CSMD1: variants seen among roughly 807,000 people sequenced by gnomAD.
The protein encoded by CSMD1 is CUB and sushi domain-containing protein 1.
In CSMD1, 213 loss-of-function variants were observed where a neutral mutation model predicts 417.5. The observed-to-expected ratio is 0.51, with a 90% confidence interval of 0.46 to 0.57. The LOEUF (loss-of-function observed/expected upper bound fraction) is 0.57. Among genes scored for constraint, CSMD1 ranks in the 20% least tolerant of loss-of-function variants. CSMD1 has a pLI of 0.00. For synonymous variants in CSMD1, 2,862 were observed against 1,736.8 expected (o/e 1.65, Z -16.11); for missense variants, 6,923 against 4,529.7 (o/e 1.53, Z -15.17).
intron 1 of CSMD1, among the ~76,000 whole-genome samples, chr8:4,946,100 T>C (rs1216795313): frequency 6.6e-6 from 1 of 152,122 alleles, no homozygotes; most frequent in African/African-American, 2.4e-5. Context: ...CACCCAGCTG[T>C]CTCTACGTGG....
chr8:4,312,216 G>C (rs1163548501), intron 3 of CSMD1, among the ~76,000 whole-genome samples: 1 of 151,678 alleles, frequency 6.6e-6, no homozygotes, highest in Non-Finnish European at 1.5e-5. Flanking sequence ...TGCATGTGTA[G>C]AATGCATAGA....
Position 4,336,441 on chromosome 8 carries a change from T to G in CSMD1, c.415+83512A>C, listed in dbSNP as rs185881701. Among the ~76,000 whole-genome samples, 22 of 152,242 alleles carry G rather than the reference T, an allele frequency of 1.4e-4. No individual in the cohort carries two copies. The East Asian group carries it at 4.3e-3, about 30-fold the overall frequency. ...CCCTAAGGCCCCCGGTCAGTTAATG[T>G]CAGCATCTGTGCTATGTGTAGATGT... On this transcript the variant is annotated intron_variant, in intron 3 of 69. Transcript: ENST00000635120.
chr8:3,883,900 A>G (rs1806379396), intron 5 of CSMD1, among the ~76,000 whole-genome samples: 1 of 152,080 alleles, frequency 6.6e-6, no homozygotes, highest in African/African-American at 2.4e-5. Flanking sequence ...TTTAAATATA[A>G]ATTAAATATA....
chr8:2,987,767 G>A (rs1806049990), intron 54 of CSMD1, among the ~76,000 whole-genome samples: 1 of 152,184 alleles, frequency 6.6e-6, no homozygotes, highest in Non-Finnish European at 1.5e-5. Flanking sequence ...GCGCATAAGG[G>A]CAGCTTCGGG....
chr8:4,290,868 C>G (rs1287696103), intron 3 of CSMD1, among the ~76,000 whole-genome samples: 2 of 152,160 alleles, frequency 1.3e-5, no homozygotes, highest in African/African-American at 4.8e-5. Flanking sequence ...TTTCTTGTGA[C>G]TCATCATCCT....
At chr8:3,628,701 G>C (rs534114339) in intron 7 of CSMD1, among the ~76,000 whole-genome samples, 2 of 152,036 alleles carry the variant, frequency 1.3e-5, no homozygotes, top group Non-Finnish European at 2.9e-5. Context: ...ACAGAAAGAA[G>C]TGTAGGCACC....
At chr8:3,688,607 G>A (rs1294705782) in intron 7 of CSMD1, among the ~76,000 whole-genome samples, 3 of 152,102 alleles carry the variant, frequency 2.0e-5, no homozygotes, top group Non-Finnish European at 4.4e-5. Flanking sequence ...ATAAAATATT[G>A]GGGAAAAGGC....
At chr8:3,629,074 G>C (rs1796642121) in intron 7 of CSMD1, among the ~76,000 whole-genome samples, 1 of 152,148 alleles carries the variant, frequency 6.6e-6, no homozygotes, top group African/African-American at 2.4e-5. Context: ...ATCGACACAA[G>C]AGGAGTGAGA....
At chr8:4,700,645 G>T (rs1318731776) in intron 1 of CSMD1, among the ~76,000 whole-genome samples, 1 of 152,070 alleles carries the variant, frequency 6.6e-6, no homozygotes, top group Non-Finnish European at 1.5e-5. Context: ...CACAAAAAAT[G>T]AAAGTAACTG....
chr8:3,768,787 T>C (rs1341678326), intron 5 of CSMD1, among the ~76,000 whole-genome samples: 1 of 152,206 alleles, frequency 6.6e-6, no homozygotes, highest in Non-Finnish European at 1.5e-5. Context: ...GTAAGGCTTG[T>C]CCTAAGTTTT....
At chr8:3,815,487 A>T (rs966123903) in intron 5 of CSMD1, among the ~76,000 whole-genome samples, 1 of 152,162 alleles carries the variant, frequency 6.6e-6, no homozygotes, top group Non-Finnish European at 1.5e-5. Context: ...TAAAAGTTAA[A>T]CTCAAAAATA....
intron 8 of CSMD1, among the ~76,000 whole-genome samples, chr8:3,589,466 G>A (rs1458426420): frequency 1.3e-5 from 2 of 151,918 alleles, no homozygotes; most frequent in African/African-American, 4.8e-5. Context: ...AGGAAATCTT[G>A]CCATTTGTGA....
intron 2 of CSMD1, among the ~76,000 whole-genome samples, chr8:4,577,481 T>C (rs1458322697): frequency 1.3e-5 from 2 of 152,054 alleles, no homozygotes; most frequent in African/African-American, 4.8e-5. Context: ...TCCTTCCTCT[T>C]CCCTATGCCA....
rs142935680 is a variant in CSMD1, at chr8:3,643,352, A to C, written c.1010-26555T>G. Among the ~76,000 whole-genome samples the C allele has an allele frequency of 3.3e-4, 50 of 152,246 alleles. No individual in the cohort carries two copies. The East Asian group carries it at 8.3e-3, about 25-fold the overall frequency. On this transcript the variant is annotated intron_variant, in intron 7 of 69. Coordinates refer to ENST00000635120, the MANE Select transcript of CSMD1 (RefSeq NM_033225.6). ...GAGAGAAAAAGCAGAATCACTGAAGAAATGGGGTTTACAAGCTGATGACAG... is the reference window on the plus strand; with the variant it reads ...GAGAGAAAAAGCAGAATCACTGAAGCAATGGGGTTTACAAGCTGATGACAG...
chr8:2,981,688 A>C (rs1805437975), intron 54 of CSMD1, among the ~76,000 whole-genome samples: 1 of 152,228 alleles, frequency 6.6e-6, no homozygotes, highest in African/African-American at 2.4e-5. Context: ...ATATACATTC[A>C]GCCCAGCAGG....
chr8:4,635,299 A>G (rs1802755881), intron 2 of CSMD1, among the ~76,000 whole-genome samples: 1 of 152,166 alleles, frequency 6.6e-6, no homozygotes, highest in Non-Finnish European at 1.5e-5. Context: ...CCAAAATGAA[A>G]TATGTTTCTA....
chr8:4,433,839 G>GGA (rs1798004165), intron 2 of CSMD1, among the ~76,000 whole-genome samples: 1 of 151,896 alleles, frequency 6.6e-6, no homozygotes, highest in African/African-American at 2.4e-5. Context: ...GAAAAAAAGG[G>GGA]AAAAAAGACT....
chr8:3,150,125 A>G (rs1819101652), intron 40 of CSMD1, among the ~76,000 whole-genome samples: 1 of 152,200 alleles, frequency 6.6e-6, no homozygotes, highest in Non-Finnish European at 1.5e-5. Context: ...TCTCCGTTTC[A>G]TTTAGCCCTG....
chr8:3,307,389 A>C (rs1804957183), intron 25 of CSMD1, among the ~76,000 whole-genome samples: 1 of 145,200 alleles, frequency 6.9e-6, no homozygotes, highest in African/African-American at 2.6e-5. Flanking sequence ...AGATCAGAAC[A>C]GCCCAGGCAA....
Sources: gnomAD v4.1 joint callset for allele counts (sites outside exome capture counted in the v4.1 genomes callset) on GRCh38, gnomAD v4.1.1 for gene constraint, MANE v1.5 for transcripts, NCBI Gene and HGNC (gene_info 2026-07-23, HGNC 2026-07-21) for gene names.